The following DNER variants were observed in gnomAD, a reference collection of about 807,000 sequenced individuals.
The protein encoded by DNER is delta and Notch-like epidermal growth factor-related receptor.
Under a neutral mutation model 78.2 loss-of-function variants are expected in DNER, and 33 were observed. The ratio of observed to expected loss-of-function variants is 0.42; its 90% CI spans 0.32 to 0.56. The LOEUF is 0.56. Among genes scored for constraint, DNER ranks in the 20% least tolerant of loss-of-function variants. The pLI is 0.11. For missense variants in DNER, 918 were observed against 975.3 expected (o/e 0.94, Z 0.78); for synonymous variants, 417 against 384.8 (o/e 1.08, Z -0.98).
chr2:229,514,125 T>G (rs1695925331), intron 5 of DNER, among the ~76,000 whole-genome samples: 1 of 152,238 alleles, frequency 6.6e-6, no homozygotes, highest in South Asian at 2.1e-4. Context: ...TGAATATTTA[T>G]GTTTTTGTAG....
intron 1 of DNER, among the ~76,000 whole-genome samples, chr2:229,656,141 A>G (rs977710244): frequency 8.5e-5 from 13 of 152,220 alleles, no homozygotes; most frequent in Non-Finnish European, 2.9e-5. Context: ...AAATTAATAC[A>G]GGCACCTGAG....
intron 11 of DNER, 86 bp downstream of exon 11, chr2:229,388,179 C>A (rs1318402902): frequency 8.0e-6 from 12 of 1,498,362 alleles, no homozygotes; most frequent in Non-Finnish European, 1.1e-5. Context: ...TTTCTGGTCA[C>A]AGTCGGCATC....
At chr2:229,476,581 C>A (rs1574860326) in intron 7 of DNER, among the ~76,000 whole-genome samples, 2 of 152,078 alleles carry the variant, frequency 1.3e-5, no homozygotes, top group South Asian at 2.1e-4. Context: ...AACATCCCTG[C>A]AAGCAGAAAT....
chr2:229,387,511 GAAAGAAAGAA>G (rs1559337868), intron 11 of DNER, among the ~76,000 whole-genome samples: 97 of 39,920 alleles, frequency 2.4e-3, no homozygotes, highest in African/African-American at 8.2e-3. Flanking sequence ...AAGAAAGAGA[GAAAGAAAGAA>G]AGAAAGAAAG....
intron 1 of DNER, among the ~76,000 whole-genome samples, chr2:229,691,924 G>A (rs948425552): frequency 9.9e-5 from 15 of 152,096 alleles, no homozygotes; most frequent in African/African-American, 3.1e-4. Flanking sequence ...CTGAAAATAG[G>A]TGCTCTCTGT....
At chr2:229,683,436 A>C (rs561795627) in intron 1 of DNER, among the ~76,000 whole-genome samples, 10 of 152,366 alleles carry the variant, frequency 6.6e-5, no homozygotes, top group African/African-American at 1.9e-4. Context: ...TGAATGTCAA[A>C]GAAAATGCAC....
At chr2:229,520,621 T>A (rs1020892228) in intron 5 of DNER, among the ~76,000 whole-genome samples, 3 of 152,230 alleles carry the variant, frequency 2.0e-5, no homozygotes, top group Non-Finnish European at 4.4e-5. Flanking sequence ...ACAAACATTT[T>A]TTTTTAATTT....
intron 11 of DNER, among the ~76,000 whole-genome samples, chr2:229,372,045 A>T (rs1244853799): frequency 6.6e-6 from 1 of 152,228 alleles, no homozygotes; most frequent in Admixed American, 6.5e-5. Flanking sequence ...TCTCTGGAAG[A>T]GGAATGAATG....
intron 4 of DNER, among the ~76,000 whole-genome samples, chr2:229,563,825 C>T (rs1377463993): frequency 6.7e-6 from 1 of 149,024 alleles, no homozygotes; most frequent in Non-Finnish European, 1.5e-5. Flanking sequence ...ACCCCATCAC[C>T]ATCATCATCA....
chr2:229,598,162 T>C (rs758735988), intron 1 of DNER, among the ~76,000 whole-genome samples: 2 of 152,242 alleles, frequency 1.3e-5, no homozygotes, highest in Non-Finnish European at 2.9e-5. Context: ...TTGCTCGAAG[T>C]GTGGACACCT....
At chr2:229,623,696 G>A (rs1397168249) in intron 1 of DNER, among the ~76,000 whole-genome samples, 2 of 152,232 alleles carry the variant, frequency 1.3e-5, no homozygotes, top group Non-Finnish European at 2.9e-5. Context: ...GGTGGGCACA[G>A]AGCTGCTGTC....
chr2:229,696,923 G>T (rs747923731), intron 1 of DNER, among the ~76,000 whole-genome samples: 2 of 152,162 alleles, frequency 1.3e-5, no homozygotes, highest in Non-Finnish European at 2.9e-5. Flanking sequence ...AACACAGATG[G>T]AAAGCCATCT....
chr2:229,393,439 AT>A (rs201316150), intron 10 of DNER, among the ~76,000 whole-genome samples: 2 of 152,048 alleles, frequency 1.3e-5, no homozygotes, highest in African/African-American at 4.8e-5. Context: ...AAAAATAAAA[AT>A]AAAAATAAAA....
chr2:229,657,113 T>C (rs1361532077), intron 1 of DNER, among the ~76,000 whole-genome samples: 3 of 152,060 alleles, frequency 2.0e-5, no homozygotes. Context: ...CCAGAACTTA[T>C]TCATCTTAAA....
At chr2:229,664,819 C>T (rs1242288070) in intron 1 of DNER, among the ~76,000 whole-genome samples, 3 of 152,124 alleles carry the variant, frequency 2.0e-5, no homozygotes, top group African/African-American at 4.8e-5. Flanking sequence ...ATTCTTTTAC[C>T]TGGACAGAGG....
At chr2:229,620,090 G>A (rs897267675) in intron 1 of DNER, among the ~76,000 whole-genome samples, 18 of 152,184 alleles carry the variant, frequency 1.2e-4, no homozygotes, top group Non-Finnish European at 2.4e-4. Flanking sequence ...TGGGATGCAC[G>A]GGAAGTTTGT....
chr2:229,680,256 C>T (rs960921621), intron 1 of DNER, among the ~76,000 whole-genome samples: 2 of 152,156 alleles, frequency 1.3e-5, no homozygotes, highest in Admixed American at 6.5e-5. Flanking sequence ...ATGGACACAT[C>T]AATATGCCAC....
At chr2:229,597,907 A>G (rs1467490021) in intron 1 of DNER, among the ~76,000 whole-genome samples, 1 of 152,236 alleles carries the variant, frequency 6.6e-6, no homozygotes, top group African/African-American at 2.4e-5. Flanking sequence ...TGGACTGAGT[A>G]AAATGGGAGG....
At position 229,552,129 on chromosome 2, in the gene DNER, G is replaced by A. The variant is rs114037468; in HGVS notation, c.848-5037C>T. ...TGAACCAAACAACCACCTTTGAGAA[G>A]GCTGTGAAGAGCCTCTACCTTCTAG... is the stretch of plus-strand genomic sequence containing the variant. On this transcript the variant is annotated intron_variant, in intron 4 of 12. Transcript: ENST00000341772. Among the ~76,000 whole-genome samples, 620 of 152,238 alleles carry A rather than the reference G, an allele frequency of 4.1e-3. 4 individuals carry two copies. The highest frequency in any genetic ancestry group is 0.014 in the African/African-American group (582 of 41,530).
Sources: gnomAD v4.1 joint callset for allele counts (sites outside exome capture counted in the v4.1 genomes callset) on GRCh38, gnomAD v4.1.1 for gene constraint, MANE v1.5 for transcripts, NCBI Gene and HGNC (gene_info 2026-07-23, HGNC 2026-07-21) for gene names.